Variants in SMYD3 observed in about 807,000 individuals in gnomAD.
The protein encoded by SMYD3 is histone-lysine N-methyltransferase SMYD3.
A neutral mutation model predicts 57.7 loss-of-function variants in SMYD3; 36 were observed. The observed-to-expected ratio is 0.62, with a 90% CI of 0.48 to 0.82. SMYD3 has a LOEUF of 0.82. SMYD3 is among the 40% of genes least tolerant of loss of function. The pLI is 0.00. For synonymous variants in SMYD3, 211 were observed against 195.0 expected (o/e 1.08, Z -0.68); for missense variants, 515 against 538.8 (o/e 0.96, Z 0.44).
At chr1:245,941,683 G>C (rs1193550625) in intron 5 of SMYD3, among the ~76,000 whole-genome samples, 1 of 152,030 alleles carries the variant, frequency 6.6e-6, no homozygotes, top group Non-Finnish European at 1.5e-5. Context: ...ACCATGCCAA[G>C]CTAATTTTTT....
chr1:246,329,772 A>G (rs7518705), intron 4 of SMYD3, among the ~76,000 whole-genome samples: 130,224 of 151,792 alleles, frequency 0.86, 56,174 homozygotes, highest in African/African-American at 0.92. Flanking sequence ...TGGGAACTTC[A>G]GATCCCACAA....
chr1:246,478,249 T>C (rs564669136), intron 1 of SMYD3, among the ~76,000 whole-genome samples: 1 of 152,376 alleles, frequency 6.6e-6, no homozygotes, highest in South Asian at 2.1e-4. Context: ...CACTGCATCT[T>C]TGGACAGTCA....
At chr1:245,799,212 A>G (rs2047736730) in intron 10 of SMYD3, among the ~76,000 whole-genome samples, 1 of 152,192 alleles carries the variant, frequency 6.6e-6, no homozygotes, top group East Asian at 1.9e-4. Context: ...CCTCCTACAC[A>G]GCTGTGCAAG....
intron 10 of SMYD3, among the ~76,000 whole-genome samples, chr1:245,789,842 G>T (rs1037940278): frequency 2.6e-5 from 4 of 152,210 alleles, no homozygotes; most frequent in African/African-American, 9.6e-5. Context: ...ATTGATTAAA[G>T]AAAAATTCCA....
intron 10 of SMYD3, among the ~76,000 whole-genome samples, chr1:245,785,606 C>G (rs1187429926): frequency 1.3e-5 from 2 of 151,938 alleles, no homozygotes; most frequent in Non-Finnish European, 2.9e-5. Flanking sequence ...TGTTTTCTTT[C>G]AAGAGACAGG....
At chr1:246,206,104 A>G (rs778518834) in intron 5 of SMYD3, among the ~76,000 whole-genome samples, 4 of 152,098 alleles carry the variant, frequency 2.6e-5, no homozygotes, top group Non-Finnish European at 4.4e-5. Context: ...ATATTCCTCC[A>G]CTGTTTTTAG....
At chr1:246,506,809 T>TG (rs995827655) in intron 1 of SMYD3, among the ~76,000 whole-genome samples, 31 of 142,158 alleles carry the variant, frequency 2.2e-4, no homozygotes, top group African/African-American at 8.0e-4. Flanking sequence ...CAGCCCAGGT[T>TG]GGGGGGCAGT....
chr1:246,414,909 G>A (rs1032076159), intron 1 of SMYD3, among the ~76,000 whole-genome samples: 7 of 151,894 alleles, frequency 4.6e-5, no homozygotes, highest in East Asian at 1.9e-4. Context: ...TAGAGACGAC[G>A]TTTCACCATG....
chr1:246,144,189 C>T (rs931424075), intron 5 of SMYD3, among the ~76,000 whole-genome samples: 3 of 152,192 alleles, frequency 2.0e-5, no homozygotes, highest in Admixed American at 6.5e-5. Context: ...ATGCTGCTAC[C>T]GCCATGTCCC....
intron 5 of SMYD3, among the ~76,000 whole-genome samples, chr1:245,977,806 C>A (rs2058488842): frequency 2.0e-5 from 3 of 152,188 alleles, no homozygotes; most frequent in Admixed American, 2.0e-4. Flanking sequence ...TTATTAACAC[C>A]TCTGAAGGTT....
chr1:246,453,348 AAG>A (rs1325964896), intron 1 of SMYD3, among the ~76,000 whole-genome samples: 1 of 152,224 alleles, frequency 6.6e-6, no homozygotes, highest in African/African-American at 2.4e-5. Flanking sequence ...TGCAAAATTC[AAG>A]GGAGAAAAAA....
chr1:246,313,013 C>T (rs2148636229), intron 5 of SMYD3, among the ~76,000 whole-genome samples: 1 of 152,220 alleles, frequency 6.6e-6, no homozygotes, highest in African/African-American at 2.4e-5. Context: ...CTCCCAGGCT[C>T]GAGCGATCCT....
intron 8 of SMYD3, among the ~76,000 whole-genome samples, chr1:245,879,569 C>T (rs891595635): frequency 6.6e-6 from 1 of 152,342 alleles, no homozygotes; most frequent in Middle Eastern, 3.4e-3. Flanking sequence ...GAAAGCTACT[C>T]AATTCTTAGG....
intron 5 of SMYD3, among the ~76,000 whole-genome samples, chr1:246,144,424 C>G (rs1461049488): frequency 6.6e-6 from 1 of 152,182 alleles, no homozygotes; most frequent in African/African-American, 2.4e-5. Flanking sequence ...ACCATAACAT[C>G]TAAAATACTG....
intron 5 of SMYD3, among the ~76,000 whole-genome samples, chr1:245,977,633 C>T (rs1415643210): frequency 1.3e-5 from 2 of 152,140 alleles, no homozygotes; most frequent in South Asian, 4.1e-4. Flanking sequence ...GAGCCGAGAT[C>T]GTGCCACTGC....
chr1:246,125,021 G>A (rs192769524), intron 5 of SMYD3, among the ~76,000 whole-genome samples: 12,054 of 149,138 alleles, frequency 0.081, 978 homozygotes, highest in African/African-American at 0.2. Flanking sequence ...GCAGTGAGCC[G>A]AGATCGCGCC....
chr1:245,757,233 T>C (rs968557326), intron 11 of SMYD3, among the ~76,000 whole-genome samples: 3 of 152,082 alleles, frequency 2.0e-5, no homozygotes, highest in Non-Finnish European at 4.4e-5. Flanking sequence ...TGGAATAATA[T>C]GATATTTGTT....
intron 8 of SMYD3, among the ~76,000 whole-genome samples, chr1:245,880,201 C>T (rs912392729): frequency 6.6e-6 from 1 of 152,238 alleles, no homozygotes; most frequent in Non-Finnish European, 1.5e-5. Flanking sequence ...AGAACAAATC[C>T]TGCCAATCTG....
intron 5 of SMYD3, among the ~76,000 whole-genome samples, chr1:245,958,304 G>A (rs1011776029): frequency 3.3e-5 from 5 of 152,060 alleles, no homozygotes; most frequent in Non-Finnish European, 7.4e-5. Context: ...AATCATACAC[G>A]ATGCAGACTG....
Sources: allele counts gnomAD v4.1 joint callset (sites outside exome capture counted in the v4.1 genomes callset), GRCh38; gene constraint gnomAD v4.1.1; transcripts MANE v1.5; gene names NCBI Gene and HGNC (gene_info 2026-07-23, HGNC 2026-07-21).